The following LARGE1 variants were observed in gnomAD, a reference collection of about 807,000 sequenced individuals.
LARGE1 encodes the protein xylosyl- and glucuronyltransferase LARGE1.
In LARGE1, 43 loss-of-function variants were observed where a neutral mutation model predicts 87.6. The observed-to-expected ratio is 0.49, with a 90% CI of 0.38 to 0.63. The LOEUF is 0.63. Ranked by LOEUF, LARGE1 falls within the 30% of genes least tolerant of loss-of-function variation. LARGE1 has a pLI of 0.00. For missense variants in LARGE1, 802 were observed against 1,000.2 expected (o/e 0.80, Z 2.67); for synonymous variants, 434 against 394.6 (o/e 1.10, Z -1.18).
chr22:33,388,331 G>A (rs750333622), intron 7 of LARGE1, among the ~76,000 whole-genome samples: 6 of 152,300 alleles, frequency 3.9e-5, no homozygotes, highest in East Asian at 3.9e-4. Flanking sequence ...AAGTTGGACC[G>A]GGATTGCCGT....
the LARGE1 span, among the ~76,000 whole-genome samples, chr22:33,147,325 C>T: frequency 6.6e-6 from 1 of 152,024 alleles, no homozygotes; most frequent in Admixed American, 6.6e-5. Context: ...AAAATAGACA[C>T]AGATTTTTCA....
intron 1 of LARGE1, among the ~76,000 whole-genome samples, chr22:33,798,796 C>T (rs2086067737): frequency 6.6e-6 from 1 of 152,160 alleles, no homozygotes; most frequent in African/African-American, 2.4e-5. Flanking sequence ...AATGCAGACA[C>T]CATGACCCCA....
intron 10 of LARGE1, among the ~76,000 whole-genome samples, chr22:33,317,198 A>G (rs1369900182): frequency 1.3e-5 from 2 of 152,198 alleles, no homozygotes; most frequent in African/African-American, 4.8e-5. Context: ...TGGGTGACAG[A>G]GTGAGACTCC....
intron 11 of LARGE1, among the ~76,000 whole-genome samples, chr22:33,214,089 G>C (rs938595227): frequency 6.6e-6 from 1 of 152,108 alleles, no homozygotes; most frequent in African/African-American, 2.4e-5. Flanking sequence ...TATTGCAATG[G>C]TCAGGAATGG....
chr22:33,856,044 C>A (rs1408134894), intron 1 of LARGE1, among the ~76,000 whole-genome samples: 1 of 152,166 alleles, frequency 6.6e-6, no homozygotes, highest in Admixed American at 6.5e-5. Context: ...GGCACCCAGC[C>A]CTACGCTGGC....
chr22:33,671,660 GATGCAAT>G, intron 2 of LARGE1, among the ~76,000 whole-genome samples: 1 of 152,296 alleles, frequency 6.6e-6, no homozygotes. Context: ...TTAACTTCAT[GATGCAAT>G]ATGTTCAGCA....
the LARGE1 span, among the ~76,000 whole-genome samples, chr22:33,115,751 C>T: frequency 2.2e-5 from 3 of 138,194 alleles, no homozygotes; most frequent in East Asian, 4.6e-4. Flanking sequence ...TGGGAGGCGG[C>T]GGTTGCAGTG....
chr22:33,432,056 C>T, intron 7 of LARGE1, 105 bp downstream of exon 7: 2 of 863,680 alleles, frequency 2.3e-6, no homozygotes, highest in South Asian at 2.8e-5. Flanking sequence ...TTCAAGCAAT[C>T]AGGTGGCCTC....
At chr22:33,133,213 G>A in the LARGE1 span, among the ~76,000 whole-genome samples, 26 of 151,948 alleles carry the variant, frequency 1.7e-4, no homozygotes, top group African/African-American at 5.8e-4. Context: ...TAAGTTCTGG[G>A]GTATATGTGC....
chr22:33,498,074 G>A (rs1234768313), intron 6 of LARGE1, among the ~76,000 whole-genome samples: 1 of 151,930 alleles, frequency 6.6e-6, no homozygotes, highest in Admixed American at 6.6e-5. Context: ...TAGTAGAGAC[G>A]GGGTTTCGGC....
At chr22:33,604,016 G>A (rs2079181434) in intron 5 of LARGE1, among the ~76,000 whole-genome samples, 1 of 152,206 alleles carries the variant, frequency 6.6e-6, no homozygotes, top group Non-Finnish European at 1.5e-5. Context: ...TGAGAAAACA[G>A]GTCCAGCAGA....
At chr22:33,863,504 A>T (rs1295808883) in intron 1 of LARGE1, among the ~76,000 whole-genome samples, 1 of 152,048 alleles carries the variant, frequency 6.6e-6, no homozygotes, top group Non-Finnish European at 1.5e-5. Flanking sequence ...TCATGCCTGT[A>T]ATCCCAACAC....
At chr22:33,872,038 G>A (rs1228084818) in intron 1 of LARGE1, among the ~76,000 whole-genome samples, 2 of 151,252 alleles carry the variant, frequency 1.3e-5, no homozygotes, top group Non-Finnish European at 2.9e-5. Flanking sequence ...GAGGAACTAG[G>A]GTGGCAGGAG....
At chr22:33,781,217 G>A (rs903478700) in intron 1 of LARGE1, among the ~76,000 whole-genome samples, 5 of 152,128 alleles carry the variant, frequency 3.3e-5, no homozygotes, top group African/African-American at 9.7e-5. Context: ...TCACACTGAC[G>A]GCCAGGTGCT....
intron 11 of LARGE1, among the ~76,000 whole-genome samples, chr22:33,200,050 T>C (rs898796098): frequency 1.1e-4 from 16 of 152,138 alleles, no homozygotes; most frequent in African/African-American, 3.9e-4. Flanking sequence ...GGTTTCACCA[T>C]CTTGGCCAGG....
intron 7 of LARGE1, among the ~76,000 whole-genome samples, chr22:33,392,440 C>T (rs2065564223): frequency 6.6e-6 from 1 of 152,120 alleles, no homozygotes; most frequent in South Asian, 2.1e-4. Context: ...GGGTGGATCA[C>T]CTGAGGTCAG....
chr22:33,411,280 C>G (rs1008074763), intron 7 of LARGE1, among the ~76,000 whole-genome samples: 21 of 152,254 alleles, frequency 1.4e-4, no homozygotes, highest in Admixed American at 7.2e-4. Context: ...GAGTTAGCCA[C>G]AGCAAGGAAA....
intron 11 of LARGE1, 44 bp from the exon 12 acceptor site, chr22:33,304,551 A>T (rs1187970364): frequency 6.6e-7 from 1 of 1,520,990 alleles, no homozygotes. Context: ...TGGGCCATCC[A>T]TGCATCATCC....
At chr22:33,752,753 T>TGGGAAAGTGGTATGGAAGGC (rs1209109479) in intron 2 of LARGE1, among the ~76,000 whole-genome samples, 1 of 152,132 alleles carries the variant, frequency 6.6e-6, no homozygotes, top group Non-Finnish European at 1.5e-5. Context: ...CATGGGACTG[T>TGGGAAAGTGGTATGGAAGGC]GGGAAAGTGG....
Sources: allele counts gnomAD v4.1 joint callset (sites outside exome capture counted in the v4.1 genomes callset), GRCh38; gene constraint gnomAD v4.1.1; transcripts MANE v1.5; gene names NCBI Gene and HGNC (gene_info 2026-07-23, HGNC 2026-07-21).